The following SLC49A3 variants were observed in gnomAD, a reference collection of about 807,000 sequenced individuals.
SLC49A3 encodes the protein solute carrier family 49 member A3.
A neutral mutation model predicts 43.8 loss-of-function variants in SLC49A3; 50 were observed. The observed-to-expected ratio is 1.14, with a 90% CI of 0.91 to 1.45. The LOEUF (loss-of-function observed/expected upper bound fraction) is 1.45, where lower values mean the gene tolerates loss of function less well. Among genes scored for constraint, SLC49A3 ranks in the 40% most tolerant of loss-of-function variants. SLC49A3 has a pLI of 0.00. For synonymous variants in SLC49A3, 413 were observed against 352.0 expected (o/e 1.17, Z -1.94); for missense variants, 906 against 774.1 (o/e 1.17, Z -2.02).
At chr4:682,719 A>C in intron 9 of SLC49A3, 62 bp downstream of exon 9, 1 of 1,359,314 alleles carries the variant, frequency 7.4e-7, no homozygotes, top group Non-Finnish European at 1.0e-6. Context: ...TCCCGCTCCC[A>C]GGGAATCTTC....
At chr4:679,937 G>A (rs751215923), downstream of SLC49A3, 39 of 1,613,680 alleles carry the variant, frequency 2.4e-5, no homozygotes, top group South Asian at 1.5e-4. Flanking sequence ...CAAGGACGAC[G>A]AGCTGGACGC....
upstream of SLC49A3, among the ~76,000 whole-genome samples, chr4:691,464 A>C (rs1741884073): frequency 1.3e-5 from 2 of 151,158 alleles, no homozygotes; most frequent in Non-Finnish European, 2.9e-5. Context: ...ATGGTGGTGC[A>C]TGCCTGTAAT....
At chr4:680,363 A>G (rs1739332590), downstream of SLC49A3, 1 of 857,100 alleles carries the variant, frequency 1.2e-6, no homozygotes, top group Non-Finnish European at 1.9e-6. Context: ...AGGAAAGGAG[A>G]AGGCCTTCAG....
In SLC49A3 at chr4:682,098, C is replaced by T. The variant is rs567431905; in HGVS notation, c.1540G>A (p.Ala514Thr). 9 of 1,379,488 alleles carry T rather than the reference C, an allele frequency of 6.5e-6. No homozygotes were observed. In the African/African-American group the frequency reaches 1.3e-4, roughly 21 times the overall value. 85.5% of individuals were successfully genotyped at this position (1,379,488 alleles called of 1,614,324 possible). A position where few individuals can be genotyped will look rare whatever the true frequency, so the allele number is the denominator to read the frequency against. The change falls in exon 10 of 10, where the codon GCG (alanine) becomes ACG (threonine). Residue 514 changes from alanine to threonine, a missense_variant. Physicochemically the swap from Ala to Thr is moderately conservative, Grantham distance 58. Coordinates refer to ENST00000322224, the MANE Select transcript of SLC49A3 (RefSeq NM_032219.4). Reference sequence around the variant, plus strand: ...GCTGGGCCTTGCGCACGGGGAGTCGCTCGGTGGCAGGCTGGGTGGGGGCTC... The same window carrying T: ...GCTGGGCCTTGCGCACGGGGAGTCGTTCGGTGGCAGGCTGGGTGGGGGCTC... The part of the protein sequence containing the change: ...PGSPHPACHR[A>T]TPRAQGPAAT...
intron 1 of SLC49A3, 48 bp downstream of exon 1, chr4:688,945 C>G (rs769804943): frequency 1.9e-6 from 3 of 1,562,836 alleles, no homozygotes; most frequent in Non-Finnish European, 8.6e-7. Flanking sequence ...CCGGCTGGTC[C>G]GAGGGACTGA....
chr4:680,554 A>AC, downstream of SLC49A3: 1 of 1,613,426 alleles, frequency 6.2e-7, no homozygotes, highest in African/African-American at 1.3e-5. Context: ...AAGATGCTGG[A>AC]CCCGGACGGG....
At chr4:680,819 C>A (rs561375949), downstream of SLC49A3, 56 of 631,240 alleles carry the variant, frequency 8.9e-5, no homozygotes, top group African/African-American at 1.0e-3. Context: ...CCTCAGCCCA[C>A]TCCTCCATCT....
chr4:680,483 C>G (rs374325223), downstream of SLC49A3: 94 of 1,612,734 alleles, frequency 5.8e-5, no homozygotes, highest in Non-Finnish European at 7.2e-5. Context: ...CCTGACGGCC[C>G]TGGGCTGAAG....
At chr4:678,669 G>C (rs1739109190), downstream of SLC49A3, 2 of 1,608,826 alleles carry the variant, frequency 1.2e-6, no homozygotes, top group East Asian at 4.5e-5. Flanking sequence ...CCAGCAGGAA[G>C]ACCAAGAAGA....
At chr4:689,542 G>C (rs112884042), upstream of SLC49A3, 343 of 157,234 alleles carry the variant, frequency 2.2e-3, no homozygotes, top group African/African-American at 8.0e-3. Flanking sequence ...CAGCCACAGG[G>C]AGGGGCCAGA....
At chr4:679,687 G>A (rs144322701), downstream of SLC49A3, among the ~76,000 whole-genome samples, 4 of 152,310 alleles carry the variant, frequency 2.6e-5, no homozygotes, top group African/African-American at 4.8e-5. Flanking sequence ...CAGGCTCTGT[G>A]TCACCTCCCT....
In SLC49A3 at chr4:685,788, G is replaced by A; in HGVS notation, c.585+47C>T. On this transcript the variant is annotated intron_variant, in intron 4 of 9. Transcript: ENST00000322224. This position sits in a 1 kb window ranked among gnomAD's most constrained non-coding sequence, Gnocchi z 4.3. Reference sequence around the variant, plus strand: ...GGATCAGGAACACACAGACGTGCATGCGCACACACCACACAGACCAGGCAC... The same window carrying A: ...GGATCAGGAACACACAGACGTGCATACGCACACACCACACAGACCAGGCAC... The A allele has an allele frequency of 6.3e-7, 1 of 1,589,708 alleles. No individual in the cohort carries two copies. Among genetic ancestry groups the A allele is most frequent in the Non-Finnish European group, 8.6e-7 (1 of 1,158,570 alleles).
At chr4:678,030 G>C (rs1234752398), downstream of SLC49A3, 1 of 1,613,406 alleles carries the variant, frequency 6.2e-7, no homozygotes, top group Admixed American at 1.7e-5. Context: ...AGCAGGCATG[G>C]TGAGCAGGCC....
downstream of SLC49A3, chr4:680,848 C>T (rs112581443): frequency 3.5e-4 from 225 of 635,300 alleles, 1 homozygote; most frequent in African/African-American, 2.7e-3. Context: ...TGCTAGGCGC[C>T]GGGGAAAGTA....
chr4:678,691 G>A, downstream of SLC49A3: 2 of 1,611,312 alleles, frequency 1.2e-6, no homozygotes, highest in South Asian at 1.1e-5. Flanking sequence ...GGAAGGGGGT[G>A]CCCTCCGGGC....
At chr4:681,537 C>T (rs1739540981), downstream of SLC49A3, among the ~76,000 whole-genome samples, 1 of 149,686 alleles carries the variant, frequency 6.7e-6, no homozygotes, top group Non-Finnish European at 1.5e-5. Context: ...ACACGGTCCT[C>T]CCCGACGCTG....
chr4:682,941 C>G, intron 8 of SLC49A3, 51 bp from the exon 9 acceptor site: 1 of 1,432,418 alleles, frequency 7.0e-7, no homozygotes, highest in Non-Finnish European at 9.4e-7. Context: ...CCCCTCGGAG[C>G]CAGGTGCCAC....
Position 686,619 on chromosome 4 carries a change from G to C in SLC49A3, c.207C>G (p.Asn69Lys), listed in dbSNP as rs751534940. 3.7e-6 allele frequency: 6 copies of C among 1,613,274 alleles called. No individual in the cohort carries two copies. The highest frequency in any genetic ancestry group is 2.7e-5 in the African/African-American group (2 of 74,944). Residue 69 changes from asparagine to lysine, a missense_variant, in exon 2 of 10, where the codon AAC (asparagine) becomes AAG (lysine). Asn to Lys is a moderately conservative substitution (Grantham distance 94). Coordinates refer to ENST00000322224, the MANE Select transcript of SLC49A3 (RefSeq NM_032219.4). ...EDLVLSMEQI[N>K]WLSLVYLVVS... Reference sequence around the variant, plus strand: ...CCACGAGGTAGACCAGTGACAGCCAGTTGATCTGCTCCATGGACAGGACCA... The same window carrying C: ...CCACGAGGTAGACCAGTGACAGCCACTTGATCTGCTCCATGGACAGGACCA...
rs143423821 is a variant in SLC49A3 at position 682,002 on chromosome 4, C to A, written c.1636G>T (p.Ala546Ser). 2.1e-6 allele frequency: 3 copies of A among 1,420,468 alleles called. No homozygotes were observed. The highest frequency in any genetic ancestry group is 2.8e-6 in the Non-Finnish European group (3 of 1,073,716). The allele number at this position is 1,420,468 out of a possible 1,614,324, so 88.0% of individuals were successfully genotyped here. A position where few individuals can be genotyped will look rare whatever the true frequency, so the allele number is the denominator to read the frequency against. Residue 546 changes from alanine (A) to serine (S), a missense_variant, in exon 10 of 10, where the codon GCT becomes TCT. Transcript: ENST00000322224. ...GAGGAGAAGGAGGAGTGAGACCCAG[C>A]CGGGTCAATAAACCTGGACGCTTGG... ...RVQASRFIDP[A>S]GSHSSFSSPW...
Sources: gnomAD v4.1 joint callset for allele counts (sites outside exome capture counted in the v4.1 genomes callset) on GRCh38, gnomAD v4.1.1 for gene constraint, Gnocchi (gnomAD v3.1) non-coding constraint, MANE v1.5 for transcripts, NCBI Gene and HGNC (gene_info 2026-07-23, HGNC 2026-07-21) for gene names.